Variants in MTRF1L observed in about 807,000 individuals in gnomAD.
MTRF1L encodes the protein mitochondrial translation release factor 1 like, also known as peptide chain release factor 1-like, mitochondrial.
In MTRF1L, 29 loss-of-function variants were observed where a neutral mutation model predicts 40.0. That is an observed-to-expected ratio of 0.73 (90% CI 0.54 to 0.99). The LOEUF is 0.99. MTRF1L is among the 50% of genes least tolerant of loss of function. MTRF1L has a pLI of 0.00. For missense variants in MTRF1L, 412 were observed against 464.5 expected (o/e 0.89, Z 1.04); for synonymous variants, 150 against 175.8 (o/e 0.85, Z 1.16).
intron 1 of MTRF1L, 140 bp from the exon 2 acceptor site, chr6:152,998,769 C>T: frequency 2.3e-6 from 1 of 432,250 alleles, no homozygotes; most frequent in Non-Finnish European, 4.0e-6. Context: ...AAATACCATT[C>T]AATAAATGCC....
Position 152,995,305 on chromosome 6 carries a change from C to T in MTRF1L, c.354G>A (p.Leu118=), listed in dbSNP as rs1778679332. Residue 118 remains leucine, a synonymous_variant, in exon 3 of 7, where the codon TTG becomes TTA. Transcript: ENST00000367233. ...TQLKHQIILL[L]VPSEETDEND... ...TTTCATCTGTTTCTTCTGAGGGAAC[C>T]AAAAGTAAGATAATCTGTAAATATA... is the stretch of plus-strand genomic sequence containing the variant. The T allele has an allele frequency of 1.3e-6, 2 of 1,582,976 alleles. No individual in the cohort carries two copies. Among genetic ancestry groups the T allele is most frequent in the African/African-American group, 2.7e-5 (2 of 73,070 alleles).
intron 4 of MTRF1L, among the ~76,000 whole-genome samples, chr6:152,994,089 G>C (rs1024314322): frequency 1.5e-4 from 23 of 152,162 alleles, no homozygotes; most frequent in African/African-American, 5.3e-4. Flanking sequence ...ATTATGAACA[G>C]TATAACAATA....
intron 5 of MTRF1L, 43 bp from the exon 6 acceptor site, chr6:152,991,364 C>T (rs887885749): frequency 2.6e-6 from 4 of 1,513,434 alleles, no homozygotes; most frequent in African/African-American, 2.9e-5. Flanking sequence ...ATAAAAAAAT[C>T]TTCTTTACTT....
At chr6:153,001,412 A>G (rs184615912) in intron 1 of MTRF1L, among the ~76,000 whole-genome samples, 4 of 152,208 alleles carry the variant, frequency 2.6e-5, no homozygotes, top group Admixed American at 2.6e-4. Context: ...ATATCTCGAG[A>G]GCTCTCATAT....
chr6:152,990,108 A>G lies in MTRF1L; in HGVS notation c.943-13T>C. 1 of 1,607,922 alleles carries G rather than the reference A, an allele frequency of 6.2e-7. No homozygotes were observed. Among genetic ancestry groups the G allele is most frequent in the African/African-American group, 1.3e-5 (1 of 74,666 alleles). ...CTTTACTTCCAATCTGTATATAGAG[A>G]AAAAGATGAGATGCAGCTAGATTCA... On this transcript the variant is annotated splice_polypyrimidine_tract_variant and intron_variant, in intron 6 of 6. Coordinates refer to ENST00000367233, the MANE Select transcript of MTRF1L (RefSeq NM_019041.7).
At chr6:152,996,667 G>A (rs1195600103) in intron 2 of MTRF1L, among the ~76,000 whole-genome samples, 3 of 152,130 alleles carry the variant, frequency 2.0e-5, no homozygotes, top group African/African-American at 7.2e-5. Context: ...CTGCTTTACA[G>A]AATTAGCAAA....
chr6:153,002,709 T>C lies in MTRF1L; in HGVS notation c.-24A>G. 2.7e-6 allele frequency: 4 copies of C among 1,464,650 alleles called. No homozygotes were observed. The highest frequency in any genetic ancestry group is 3.6e-6 in the Non-Finnish European group (4 of 1,113,128). 90.7% of individuals were successfully genotyped at this position (1,464,650 alleles called of 1,614,324 possible). The stretch of plus-strand genomic sequence containing the variant: ...ATCCTTAGTCCGAGATCGCGGACCC[T>C]GACCGGAACCGGAAGTTCCGGACAC... On this transcript the variant is annotated 5_prime_UTR_variant, in exon 1 of 7. Coordinates refer to ENST00000367233, the MANE Select transcript of MTRF1L (RefSeq NM_019041.7).
chr6:153,000,644 T>C (rs1778880835), intron 1 of MTRF1L, among the ~76,000 whole-genome samples: 1 of 152,174 alleles, frequency 6.6e-6, no homozygotes, highest in Admixed American at 6.5e-5. Flanking sequence ...TAGCTGCTTA[T>C]TGTCACCCCT....
intron 6 of MTRF1L, chr6:152,990,366 T>C: frequency 4.6e-6 from 2 of 438,778 alleles, no homozygotes; most frequent in East Asian, 4.7e-5. Flanking sequence ...CAAAATACAG[T>C]GTCTACTACA....
In MTRF1L at chr6:152,998,518, C is replaced by T. The variant is rs780078642; in HGVS notation, c.339+32G>A. 12 of 1,487,420 alleles carry T rather than the reference C, an allele frequency of 8.1e-6. No homozygotes were observed. The East Asian group carries it at 2.0e-4, about 24-fold the overall frequency. 92.1% of individuals were successfully genotyped at this position (1,487,420 alleles called of 1,614,324 possible). A position where few individuals can be genotyped will look rare whatever the true frequency, so the allele number is the denominator to read the frequency against. On this transcript the variant is annotated intron_variant, in intron 2 of 6. Transcript: ENST00000367233. ...TAAACTTTAATGCCTAAGAATAGCA[C>T]AAATGCTTTATTCTTTGCAGAAATA...
rs145697730 is a variant in MTRF1L at position 152,989,993 on chromosome 6, A to C, written c.1045T>G (p.Phe349Val). The C allele has an allele frequency of 6.8e-6, 11 of 1,613,676 alleles. No individual in the cohort carries two copies. The African/African-American group carries it at 1.5e-4, about 22-fold the overall frequency. Residue 349 changes from phenylalanine to valine, a missense_variant, in exon 7 of 7, where the codon TTT becomes GTT. Phe to Val is a conservative substitution (Grantham distance 50). Transcript: ENST00000367233. The part of the protein sequence containing the change: ...INKTLHDLET[F>V]MQGDYLLDEL... ...TCCAGTAGATAATCTCCTTGCATAA[A>C]AGTTTCAAGATCATGCAGCGTCTTG...
At chr6:152,998,353 C>G (rs1156677579) in intron 2 of MTRF1L, 197 bp downstream of exon 2, 1 of 363,686 alleles carries the variant, frequency 2.7e-6, no homozygotes, top group Non-Finnish European at 4.9e-6. Flanking sequence ...ATGCATATAT[C>G]AAAACATCAC....
At chr6:152,993,056 C>CAAA in intron 4 of MTRF1L, 82 bp from the exon 5 acceptor site, 1 of 935,140 alleles carries the variant, frequency 1.1e-6, no homozygotes, top group East Asian at 2.4e-5. Flanking sequence ...TATGAATATA[C>CAAA]AACATGTACA....
chr6:152,994,451 A>C, intron 4 of MTRF1L, 62 bp downstream of exon 4: 3 of 1,464,412 alleles, frequency 2.0e-6, no homozygotes, highest in Non-Finnish European at 2.7e-6. Flanking sequence ...TCTGAATGTT[A>C]ACTCTGGGGA....
At chr6:152,994,363 AATTAT>A in intron 4 of MTRF1L, 145 bp downstream of exon 4, 1 of 763,150 alleles carries the variant, frequency 1.3e-6, no homozygotes. Context: ...AGCATTATAA[AATTAT>A]ATTTTTTAGA....
At chr6:152,999,505 C>A (rs986020708) in intron 1 of MTRF1L, among the ~76,000 whole-genome samples, 3 of 152,112 alleles carry the variant, frequency 2.0e-5, no homozygotes, top group East Asian at 3.9e-4. Flanking sequence ...ATAACCTAAA[C>A]CCTTATGTGA....
At position 153,002,671 on chromosome 6, in the gene MTRF1L, A is replaced by C. The variant is rs3818126; in HGVS notation, c.15T>G (p.Val5=). 2.6e-5 allele frequency: 39 copies of C among 1,493,586 alleles called. No homozygotes were observed. In the African/African-American group the frequency reaches 4.7e-4, roughly 18 times the overall value. 92.5% of individuals were successfully genotyped at this position (1,493,586 alleles called of 1,614,324 possible). A position where few individuals can be genotyped will look rare whatever the true frequency, so the allele number is the denominator to read the frequency against. Reference sequence around the variant, plus strand: ...AGAGCCACCGGGCAGCGCCCCACAGAACCCGGGACCGCATCCTTAGTCCGA... The same window carrying C: ...AGAGCCACCGGGCAGCGCCCCACAGCACCCGGGACCGCATCCTTAGTCCGA... MRSR[V]LWGAARWLWP... is the part of the protein sequence containing the mutation. The change falls in exon 1 of 7, where the codon GTT becomes GTG. Residue 5 remains valine (V), a synonymous_variant. Transcript: ENST00000367233.
At chr6:152,992,664 C>T (rs1271174883) in intron 5 of MTRF1L, among the ~76,000 whole-genome samples, 193 bp downstream of exon 5, 2 of 152,170 alleles carry the variant, frequency 1.3e-5, no homozygotes, top group Non-Finnish European at 2.9e-5. Flanking sequence ...GAGTTTGGAT[C>T]CCTCCCTCTT....
chr6:153,000,475 A>C (rs1379728528), intron 1 of MTRF1L, among the ~76,000 whole-genome samples: 1 of 152,228 alleles, frequency 6.6e-6, no homozygotes, highest in Non-Finnish European at 1.5e-5. Flanking sequence ...GGAGTTACTC[A>C]CAGGCAATGG....
Sources: gnomAD v4.1 joint callset for allele counts (sites outside exome capture counted in the v4.1 genomes callset) on GRCh38, gnomAD v4.1.1 for gene constraint, MANE v1.5 for transcripts, NCBI Gene and HGNC (gene_info 2026-07-23, HGNC 2026-07-21) for gene names.